Variants in GPR19 observed in about 807,000 individuals in gnomAD.
GPR19 encodes G protein-coupled receptor 19.
A neutral mutation model predicts 28.5 loss-of-function variants in GPR19; 14 were observed. That is an observed-to-expected ratio of 0.49 (90% CI 0.32 to 0.77). The LOEUF (loss-of-function observed/expected upper bound fraction) is 0.77, where lower values mean the gene tolerates loss of function less well. GPR19 is among the 30% of genes least tolerant of loss of function. The pLI is 0.03. For missense variants in GPR19, 409 were observed against 504.1 expected, an observed-to-expected ratio of 0.81 and a Z score of 1.81; for synonymous variants, 173 against 184.1, an observed-to-expected ratio of 0.94 and a Z score of 0.49.
chr12:12,674,344 G>T (rs1945901606), intron 3 of GPR19, among the ~76,000 whole-genome samples: 3 of 151,622 alleles, frequency 2.0e-5, no homozygotes, highest in Admixed American at 2.0e-4. Context: ...GGAGGCTGAG[G>T]CAGGAGAACT....
intron 3 of GPR19, among the ~76,000 whole-genome samples, chr12:12,665,225 C>A (rs1945751832): frequency 1.3e-5 from 2 of 152,172 alleles, no homozygotes; most frequent in African/African-American, 4.8e-5. Context: ...AACCTGTGAA[C>A]TTCCTTCTGT....
the GPR19 span, chr12:12,714,990 T>C: frequency 4.6e-5 from 7 of 152,310 alleles, no homozygotes; most frequent in African/African-American, 1.7e-4. Context: ...AGCGACAAAA[T>C]GGTGCTCCTA....
chr12:12,674,966 G>C (rs7969505), intron 3 of GPR19, among the ~76,000 whole-genome samples: 17,309 of 152,184 alleles, frequency 0.11, 1,110 homozygotes, highest in Middle Eastern at 0.15. Flanking sequence ...CCCTGGGCTG[G>C]GGTCAGGGAG....
upstream of GPR19, among the ~76,000 whole-genome samples, chr12:12,696,718 C>A (rs961755718): frequency 6.6e-6 from 1 of 152,230 alleles, no homozygotes; most frequent in African/African-American, 2.4e-5. Context: ...CCAGTCCAGG[C>A]GAAGCGCTGT....
At chr12:12,697,715 C>T (rs1301165379), upstream of GPR19, among the ~76,000 whole-genome samples, 1 of 152,162 alleles carries the variant, frequency 6.6e-6, no homozygotes, top group Non-Finnish European at 1.5e-5. Context: ...TTGCATGTGT[C>T]CAGCATCGGT....
At chr12:12,684,170 C>T (rs1172779954) in intron 3 of GPR19, 181 bp downstream of exon 3, 1 of 152,132 alleles carries the variant, frequency 6.6e-6, no homozygotes, top group African/African-American at 2.4e-5. Context: ...CTGACACATA[C>T]TCTGATGAAT....
chr12:12,686,316 G>C (rs796971998), intron 2 of GPR19, among the ~76,000 whole-genome samples: 1 of 152,186 alleles, frequency 6.6e-6, no homozygotes, highest in Admixed American at 6.5e-5. Context: ...TTTAGGAGGA[G>C]TGAGGTTAAT....
At chr12:12,696,916 A>G (rs1441891399), upstream of GPR19, among the ~76,000 whole-genome samples, 1 of 152,186 alleles carries the variant, frequency 6.6e-6, no homozygotes, top group Admixed American at 6.5e-5. Flanking sequence ...GCCGCGTCAG[A>G]GCTGTCACGG....
chr12:12,677,115 T>A (rs906573661), intron 3 of GPR19, among the ~76,000 whole-genome samples: 16 of 152,148 alleles, frequency 1.1e-4, no homozygotes, highest in Middle Eastern at 3.2e-3. Context: ...CTTATTCACA[T>A]CAACATTCCG....
Position 12,662,044 on chromosome 12 carries a change from A to C in GPR19, c.405T>G (p.Ser135Arg). Residue 135 changes from serine to arginine, a missense_variant, in exon 4 of 4, where the codon AGT (serine) becomes AGG (arginine). Transcript: ENST00000651487. Reference protein sequence around the residue: ...QFTTGRWTLGSATCKVVRYFQ... With the variant: ...QFTTGRWTLGRATCKVVRYFQ... ...AATATCGCACAACCTTGCACGTTGC[A>C]CTACCCAGCGTCCACCTTCCAGTGG... 6.2e-7 allele frequency: 1 copy of C among 1,614,232 alleles called. No individual in the cohort carries two copies.
At chr12:12,688,748 C>A (rs1365241495) in intron 2 of GPR19, 1 of 152,316 alleles carries the variant, frequency 6.6e-6, no homozygotes. Flanking sequence ...GACAAGGTAA[C>A]CCCACAGCAG....
rs117422380 is a variant in GPR19, at chr12:12,675,718, A to G, written c.-23+8633T>C. 2.3e-4 allele frequency among the ~76,000 whole-genome samples: 35 copies of G among 152,264 alleles called. No homozygotes were observed. In the East Asian group the frequency reaches 6.6e-3, roughly 29 times the overall value. On this transcript the variant is annotated intron_variant, in intron 3 of 3. Transcript: ENST00000651487. ...GACCAGGATGAGGCCTCTAGGAGGT[A>G]TGATGGCTCCCACCTGATAGCCATC...
At chr12:12,715,458 A>G in the GPR19 span, among the ~76,000 whole-genome samples, 2 of 151,722 alleles carry the variant, frequency 1.3e-5, no homozygotes, top group Admixed American at 6.5e-5. Context: ...TTCTCTGGGT[A>G]TCAACCCCTG....
chr12:12,696,300 A>G (rs1371828194), upstream of GPR19: 1 of 138,542 alleles, frequency 7.2e-6, no homozygotes, highest in Non-Finnish European at 1.5e-5. Flanking sequence ...ATGGCCGGCT[A>G]GTATGAAGGT....
chr12:12,661,424 T>G lies in GPR19; in HGVS notation c.1025A>C (p.Lys342Thr). The G allele has an allele frequency of 6.2e-7, 1 of 1,613,186 alleles. No individual in the cohort carries two copies. Among genetic ancestry groups the G allele is most frequent in the African/African-American group, 1.3e-5 (1 of 75,036 alleles). ...IYNANFRRGMKETFCMSSMKC... is the reference protein window; with the variant it reads ...IYNANFRRGMTETFCMSSMKC... ...CATAGAGGACATGCAAAAAGTCTCT[T>G]TCATCCCTCTCCGAAAATTGGCATT... The change falls in exon 4 of 4, where the codon AAA (lysine) becomes ACA (threonine). Residue 342 changes from lysine to threonine, a missense_variant. Coordinates refer to ENST00000651487, the MANE Select transcript of GPR19 (RefSeq NM_006143.3). The surrounding 1 kb of genome is among the most constrained non-coding windows in gnomAD (Gnocchi z 4.2).
intron 2 of GPR19, among the ~76,000 whole-genome samples, chr12:12,686,470 T>C (rs1946099388): frequency 6.6e-6 from 1 of 152,250 alleles, no homozygotes; most frequent in Non-Finnish European, 1.5e-5. Flanking sequence ...TCATCTCCTC[T>C]CTTAGTCAAG....
chr12:12,694,882 GCAGCATTTTCC>G (rs1946240172), intron 2 of GPR19, among the ~76,000 whole-genome samples: 1 of 152,116 alleles, frequency 6.6e-6, no homozygotes, highest in Non-Finnish European at 1.5e-5. Flanking sequence ...GATTTTTCCT[GCAGCATTTTCC>G]TATGCACTTC....
the GPR19 span, chr12:12,716,999 G>A: frequency 2.0e-6 from 2 of 996,504 alleles, no homozygotes; most frequent in Non-Finnish European, 2.4e-6. Flanking sequence ...CCGGCTTCCC[G>A]GGCGAGGAGC....
At chr12:12,703,258 C>A in the GPR19 span, 1 of 352,354 alleles carries the variant, frequency 2.8e-6, no homozygotes, top group Non-Finnish European at 4.0e-6. Context: ...TGGAAAGGAT[C>A]TATTACCTAA....
Sources: allele counts gnomAD v4.1 joint callset (sites outside exome capture counted in the v4.1 genomes callset), GRCh38; gene constraint gnomAD v4.1.1; non-coding constraint Gnocchi (gnomAD v3.1); transcripts MANE v1.5; gene names NCBI Gene and HGNC (gene_info 2026-07-23, HGNC 2026-07-21).